SNTG1: variants seen among roughly 807,000 people sequenced by gnomAD.
SNTG1 encodes the protein gamma-1-syntrophin.
SNTG1 carries 39 observed loss-of-function variants against 74.7 expected under a neutral mutation model. The observed-to-expected ratio is 0.52, with a 90% confidence interval of 0.40 to 0.68. The LOEUF (loss-of-function observed/expected upper bound fraction) is 0.68, where lower values mean the gene tolerates loss of function less well. SNTG1 is among the 30% of genes least tolerant of loss of function. SNTG1 has a pLI of 0.00. For missense variants in SNTG1, 685 were observed against 609.5 expected, an observed-to-expected ratio of 1.12 and a Z score of -1.30; for synonymous variants, 254 against 217.1, an observed-to-expected ratio of 1.17 and a Z score of -1.49.
At chr8:50,540,813 T>C (rs1198329819) in intron 11 of SNTG1, among the ~76,000 whole-genome samples, 6 of 152,104 alleles carry the variant, frequency 3.9e-5, no homozygotes, top group Non-Finnish European at 8.8e-5. Context: ...GATTTCTATT[T>C]GTTAATATCT....
At chr8:50,384,755 GAGAA>G (rs1434764833) in intron 2 of SNTG1, among the ~76,000 whole-genome samples, 1 of 152,146 alleles carries the variant, frequency 6.6e-6, no homozygotes, top group Non-Finnish European at 1.5e-5. Flanking sequence ...TGTGGGCTAA[GAGAA>G]AGAAGGTAAT....
chr8:50,718,394 A>C (rs553675095), intron 17 of SNTG1, among the ~76,000 whole-genome samples: 1 of 152,374 alleles, frequency 6.6e-6, no homozygotes, highest in East Asian at 1.9e-4. Context: ...CATGTAACGC[A>C]TAATGACTAT....
intron 1 of SNTG1, among the ~76,000 whole-genome samples, chr8:50,006,734 G>A (rs892239277): frequency 3.9e-5 from 6 of 152,124 alleles, no homozygotes; most frequent in South Asian, 2.1e-4. Flanking sequence ...GTGAGCAGAC[G>A]AAACTATGCA....
At chr8:50,385,147 C>T (rs753525808) in intron 2 of SNTG1, among the ~76,000 whole-genome samples, 6 of 152,172 alleles carry the variant, frequency 3.9e-5, no homozygotes, top group South Asian at 2.1e-4. Flanking sequence ...AGATATTCTG[C>T]GTCATATGTT....
chr8:50,622,665 A>G (rs189704253), intron 13 of SNTG1, among the ~76,000 whole-genome samples: 1 of 152,246 alleles, frequency 6.6e-6, no homozygotes, highest in African/African-American at 2.4e-5. Flanking sequence ...AATAAAGAAT[A>G]TATATGTAAA....
At chr8:50,497,161 A>T (rs1257648350) in intron 8 of SNTG1, among the ~76,000 whole-genome samples, 2 of 151,982 alleles carry the variant, frequency 1.3e-5, no homozygotes, top group East Asian at 1.9e-4. Flanking sequence ...TAACGTTCTT[A>T]TATTTTTCAC....
At chr8:50,588,702 G>A (rs1043049183) in intron 12 of SNTG1, among the ~76,000 whole-genome samples, 1 of 152,002 alleles carries the variant, frequency 6.6e-6, no homozygotes, top group East Asian at 1.9e-4. Flanking sequence ...CAAGTATAAA[G>A]TATTATGAAG....
chr8:50,180,896 G>A (rs1394416310), intron 2 of SNTG1, among the ~76,000 whole-genome samples: 4 of 151,794 alleles, frequency 2.6e-5, no homozygotes, highest in African/African-American at 9.7e-5. Flanking sequence ...GAGTAGCTGG[G>A]CTAACAGATG....
intron 8 of SNTG1, among the ~76,000 whole-genome samples, chr8:50,493,517 G>A (rs564136468): frequency 2.6e-5 from 4 of 152,166 alleles, no homozygotes; most frequent in South Asian, 4.2e-4. Flanking sequence ...ATTAAATGCA[G>A]GAGACTTCTG....
At chr8:50,251,172 C>T (rs1227332034) in intron 2 of SNTG1, among the ~76,000 whole-genome samples, 1 of 151,912 alleles carries the variant, frequency 6.6e-6, no homozygotes, top group African/African-American at 2.4e-5. Flanking sequence ...ACCTATAAGA[C>T]TTTTCATGTT....
chr8:50,257,002 T>C (rs2086913889), intron 2 of SNTG1, among the ~76,000 whole-genome samples: 3 of 152,086 alleles, frequency 2.0e-5, no homozygotes, highest in Non-Finnish European at 2.9e-5. Context: ...AAGGCATGGC[T>C]TTGTAGCCCC....
At chr8:50,509,885 T>C (rs1461696697) in intron 9 of SNTG1, among the ~76,000 whole-genome samples, 1 of 152,184 alleles carries the variant, frequency 6.6e-6, no homozygotes, top group Non-Finnish European at 1.5e-5. Flanking sequence ...GACTTCCTCT[T>C]TTCCTAATTG....
At chr8:50,544,602 G>A (rs2130507087) in intron 11 of SNTG1, among the ~76,000 whole-genome samples, 1 of 152,136 alleles carries the variant, frequency 6.6e-6, no homozygotes, top group East Asian at 1.9e-4. Context: ...GTCTGAATGG[G>A]TCCAGATGAC....
At chr8:50,710,696 AATC>A (rs1212465744) in intron 17 of SNTG1, among the ~76,000 whole-genome samples, 1 of 152,198 alleles carries the variant, frequency 6.6e-6, no homozygotes, top group African/African-American at 2.4e-5. Context: ...TAAGGGAGAA[AATC>A]ATGACACCAA....
intron 8 of SNTG1, among the ~76,000 whole-genome samples, chr8:50,470,300 G>A (rs1273028191): frequency 1.3e-5 from 2 of 152,292 alleles, no homozygotes; most frequent in East Asian, 1.9e-4. Context: ...GTGCCAAAAT[G>A]GCCAAGACAT....
chr8:50,660,197 A>G (rs186094898), intron 15 of SNTG1, among the ~76,000 whole-genome samples: 1 of 151,644 alleles, frequency 6.6e-6, no homozygotes, highest in Non-Finnish European at 1.5e-5. Flanking sequence ...AGAAAGAAAG[A>G]AAAGAAAAGA....
At chr8:50,028,186 G>T in intron 1 of SNTG1, among the ~76,000 whole-genome samples, 1 of 152,106 alleles carries the variant, frequency 6.6e-6, no homozygotes, top group Non-Finnish European at 1.5e-5. Flanking sequence ...GTCATTCCAA[G>T]AATGTTGTAT....
Position 50,427,911 on chromosome 8 carries a change from G to T in SNTG1, c.163-10632G>T, listed in dbSNP as rs1350858685. ...AATATATATTTGTCTAACTCAATTA[G>T]AAGTCCCATGCCAGAGTTTTCAGTT... On this transcript the variant is annotated intron_variant, in intron 4 of 18. Transcript: ENST00000642720. Among the ~76,000 whole-genome samples the T allele has an allele frequency of 3.3e-5, 5 of 152,238 alleles. No individual in the cohort carries two copies. In the East Asian group the frequency reaches 9.7e-4, roughly 29 times the overall value.
At chr8:50,471,188 G>A (rs143965960) in intron 8 of SNTG1, among the ~76,000 whole-genome samples, 2 of 151,170 alleles carry the variant, frequency 1.3e-5, no homozygotes, top group Non-Finnish European at 2.9e-5. Context: ...CAGCATAAAT[G>A]TCCAGGTGTC....
Sources: gnomAD v4.1 joint callset for allele counts (sites outside exome capture counted in the v4.1 genomes callset) on GRCh38, gnomAD v4.1.1 for gene constraint, MANE v1.5 for transcripts, NCBI Gene and HGNC (gene_info 2026-07-23, HGNC 2026-07-21) for gene names.